Variants in RERG observed in about 807,000 individuals in gnomAD.
RERG encodes the protein ras-related and estrogen-regulated growth inhibitor.
Under a neutral mutation model 23.2 loss-of-function variants are expected in RERG, and 25 were observed. The observed-to-expected ratio is 1.08, with a 90% CI of 0.79 to 1.50. The LOEUF (loss-of-function observed/expected upper bound fraction) is 1.50. Ranked by LOEUF, RERG falls within the 40% of genes most tolerant of loss-of-function variation. The pLI, the probability that RERG is intolerant of heterozygous loss-of-function variation, is 0.00. For synonymous variants in RERG, 81 were observed against 89.1 expected (o/e 0.91, Z 0.51); for missense variants, 253 against 250.1 (o/e 1.01, Z -0.08).
chr12:15,151,400 C>G (rs766067640), intron 2 of RERG, among the ~76,000 whole-genome samples: 39 of 152,176 alleles, frequency 2.6e-4, no homozygotes, highest in Non-Finnish European at 4.8e-4. Context: ...TTCCACGCAA[C>G]AGCCAAATTG....
chr12:15,183,898 A>G (rs1331485493), intron 2 of RERG, among the ~76,000 whole-genome samples: 1 of 152,200 alleles, frequency 6.6e-6, no homozygotes, highest in Non-Finnish European at 1.5e-5. Flanking sequence ...TTCATCTTCC[A>G]TAAAGAGTAG....
intron 2 of RERG, among the ~76,000 whole-genome samples, chr12:15,167,783 AC>A (rs1191643798): frequency 6.6e-6 from 1 of 152,152 alleles, no homozygotes; most frequent in Non-Finnish European, 1.5e-5. Flanking sequence ...TCTAATAAAG[AC>A]AAAAAAATCA....
chr12:15,179,459 C>T (rs2136127864), intron 2 of RERG, among the ~76,000 whole-genome samples: 1 of 152,312 alleles, frequency 6.6e-6, no homozygotes, highest in East Asian at 1.9e-4. Flanking sequence ...GATAAAAGAT[C>T]TGTACCTGCT....
rs774246238 is a variant in RERG, at chr12:15,164,561, C to A, written c.62-43442G>T. Among the ~76,000 whole-genome samples, 92 of 152,174 alleles carry A rather than the reference C, an allele frequency of 6.0e-4. 1 individual carries two copies. The highest frequency in any genetic ancestry group is 5.9e-4 in the Admixed American group (9 of 15,280). On this transcript the variant is annotated intron_variant, in intron 2 of 4. Coordinates refer to ENST00000256953, the MANE Select transcript of RERG (RefSeq NM_032918.3). ...ATCACCACTAGCAAGTTTCTCCAGG[C>A]TCTGTGTTTCCACCCACCCATTGGA...
intron 2 of RERG, among the ~76,000 whole-genome samples, chr12:15,196,056 A>G (rs1328813577): frequency 6.6e-6 from 1 of 152,166 alleles, no homozygotes; most frequent in Non-Finnish European, 1.5e-5. Context: ...TGACTGCCTA[A>G]AGAGTATGAT....
At chr12:15,149,709 T>C (rs1039767486) in intron 2 of RERG, among the ~76,000 whole-genome samples, 3 of 152,234 alleles carry the variant, frequency 2.0e-5, no homozygotes, top group Non-Finnish European at 4.4e-5. Flanking sequence ...CTTAGGTTAA[T>C]ATTTAGCCTA....
intron 2 of RERG, among the ~76,000 whole-genome samples, chr12:15,123,458 A>G (rs1454461142): frequency 6.7e-6 from 1 of 148,850 alleles, no homozygotes; most frequent in African/African-American, 2.4e-5. Context: ...ATGCTCAAAA[A>G]CTCAAAAAAG....
chr12:15,207,233 A>G (rs199754147), intron 2 of RERG, among the ~76,000 whole-genome samples: 1 of 152,118 alleles, frequency 6.6e-6, no homozygotes, highest in East Asian at 1.9e-4. Context: ...TTAGTTCCAA[A>G]ACAAACATTT....
intron 2 of RERG, among the ~76,000 whole-genome samples, chr12:15,180,198 G>A (rs1319475582): frequency 6.6e-6 from 1 of 152,052 alleles, no homozygotes; most frequent in East Asian, 1.9e-4. Flanking sequence ...GCAAGGCCTT[G>A]GAATTTTACT....
chr12:15,145,847 T>C (rs1393059739), intron 2 of RERG, among the ~76,000 whole-genome samples: 1 of 152,196 alleles, frequency 6.6e-6, no homozygotes, highest in Non-Finnish European at 1.5e-5. Context: ...AACTTTCATA[T>C]CAGAACACAG....
intron 2 of RERG, among the ~76,000 whole-genome samples, chr12:15,165,757 G>A (rs945266994): frequency 2.0e-5 from 3 of 152,256 alleles, no homozygotes; most frequent in African/African-American, 7.2e-5. Flanking sequence ...CTCCAATTAT[G>A]GCACATTTTT....
chr12:15,134,024 C>T (rs1864100303), intron 2 of RERG, among the ~76,000 whole-genome samples: 2 of 151,844 alleles, frequency 1.3e-5, no homozygotes, highest in South Asian at 4.2e-4. Flanking sequence ...TGTCTTTGGC[C>T]AATATTTTCT....
chr12:15,158,283 GT>G (rs912808028), intron 2 of RERG, among the ~76,000 whole-genome samples: 6 of 151,256 alleles, frequency 4.0e-5, no homozygotes, highest in Non-Finnish European at 5.9e-5. Flanking sequence ...CAGTTTTTTT[GT>G]TTTTTTGTTT....
rs945105384 is a variant in RERG at position 15,113,886 on chromosome 12, A to G, written c.119-2469T>C. Among the ~76,000 whole-genome samples, 3 of 152,170 alleles carry G rather than the reference A, an allele frequency of 2.0e-5. No individual in the cohort carries two copies. The East Asian group carries it at 5.8e-4, about 29-fold the overall frequency. ...ACGCTCAAGAAACTTATTTAAAATT[A>G]TATAATACTATATAACATTACTCCA... is the stretch of plus-strand genomic sequence containing the variant. On this transcript the variant is annotated intron_variant, in intron 3 of 4. Coordinates refer to ENST00000256953, the MANE Select transcript of RERG (RefSeq NM_032918.3).
intron 2 of RERG, among the ~76,000 whole-genome samples, chr12:15,147,141 T>C (rs2136105267): frequency 6.6e-6 from 1 of 152,220 alleles, no homozygotes; most frequent in South Asian, 2.1e-4. Context: ...CCAGATCTCA[T>C]TTTAACAAAA....
At chr12:15,142,427 T>C (rs2136102691) in intron 2 of RERG, among the ~76,000 whole-genome samples, 1 of 152,316 alleles carries the variant, frequency 6.6e-6, no homozygotes, top group African/African-American at 2.4e-5. Context: ...GAGTATTTTA[T>C]AGGAAAATTT....
At position 15,121,807 on chromosome 12, in the gene RERG, G is replaced by A. The variant is rs187761380; in HGVS notation, c.62-688C>T. On this transcript the variant is annotated intron_variant, in intron 2 of 4. Transcript: ENST00000256953. ...TAACTCATTTAATTAAGCTTATCTA[G>A]TTAGTTAGTGGCCTGCTAAGGATCT... is the stretch of plus-strand genomic sequence containing the variant. Among the ~76,000 whole-genome samples, 531 of 152,260 alleles carry A rather than the reference G, an allele frequency of 3.5e-3. 12 individuals carry two copies. In the South Asian group the frequency reaches 0.055, roughly 16 times the overall value.
At chr12:15,192,425 A>AT (rs552530367) in intron 2 of RERG, among the ~76,000 whole-genome samples, 1 of 152,076 alleles carries the variant, frequency 6.6e-6, no homozygotes, top group Non-Finnish European at 1.5e-5. Context: ...CCTTACAGTT[A>AT]TTTTTTTACA....
At chr12:15,110,463 C>CTTTTTTTATTTTTTTTTTTTTTTTTTTT (rs1863587097) in intron 4 of RERG, among the ~76,000 whole-genome samples, 1 of 73,082 alleles carries the variant, frequency 1.4e-5, no homozygotes, top group African/African-American at 6.0e-5. Context: ...CCATTTTTTT[C>CTTTTTTTATTTTTTTTTTTTTTTTTTTT]TTTTTTTTTT....
Sources: allele counts gnomAD v4.1 joint callset (sites outside exome capture counted in the v4.1 genomes callset), GRCh38; gene constraint gnomAD v4.1.1; transcripts MANE v1.5; gene names NCBI Gene and HGNC (gene_info 2026-07-23, HGNC 2026-07-21).